Variants in SRL observed in about 807,000 individuals in gnomAD.
SRL encodes sarcalumenin.
A neutral mutation model predicts 39.5 loss-of-function variants in SRL; 23 were observed. The observed-to-expected ratio is 0.58, with a 90% CI of 0.42 to 0.82. SRL has a LOEUF of 0.82. Ranked by LOEUF, SRL falls within the 40% of genes least tolerant of loss-of-function variation. The probability of loss-of-function intolerance (pLI) is 0.00; values close to 1 mark genes in which losing one functional copy is unlikely to be tolerated. For missense variants in SRL, 592 were observed against 607.8 expected, an observed-to-expected ratio of 0.97 and a Z score of 0.27; for synonymous variants, 272 against 237.4, an observed-to-expected ratio of 1.15 and a Z score of -1.34.
intron 1 of SRL, among the ~76,000 whole-genome samples, chr16:4,235,939 A>G (rs1256690876): frequency 6.6e-6 from 1 of 151,840 alleles, no homozygotes; most frequent in Non-Finnish European, 1.5e-5. Flanking sequence ...ATGCAAAATT[A>G]GCCGGGCATA....
chr16:4,217,555 C>G (rs952213954), intron 1 of SRL, among the ~76,000 whole-genome samples: 8 of 152,162 alleles, frequency 5.3e-5, no homozygotes, highest in Admixed American at 2.0e-4. Flanking sequence ...CCCTCCCCTG[C>G]TGTCTTACCA....
intron 1 of SRL, among the ~76,000 whole-genome samples, chr16:4,217,673 A>T (rs1046227183): frequency 2.0e-4 from 30 of 152,212 alleles, no homozygotes; most frequent in Admixed American, 5.9e-4. Flanking sequence ...AGATAACAAT[A>T]CCTGCTTTGC....
At chr16:4,207,112 T>A (rs943182831) in intron 1 of SRL, 1 of 456,298 alleles carries the variant, frequency 2.2e-6, no homozygotes, top group Non-Finnish European at 4.4e-6. Flanking sequence ...TGGGGCTCCG[T>A]GGCCTCCTCG....
chr16:4,199,052 C>G (rs1300111790), intron 3 of SRL, among the ~76,000 whole-genome samples: 3 of 152,180 alleles, frequency 2.0e-5, no homozygotes, highest in Non-Finnish European at 2.9e-5. Context: ...GACTACAGCA[C>G]AGAGGGCCAG....
At chr16:4,205,077 C>A (rs184161006) in intron 1 of SRL, among the ~76,000 whole-genome samples, 9 of 152,184 alleles carry the variant, frequency 5.9e-5, no homozygotes, top group Non-Finnish European at 1.0e-4. Flanking sequence ...AATCCTAGCA[C>A]TTTAGGAGGT....
At chr16:4,216,269 T>A (rs1181949216) in intron 1 of SRL, among the ~76,000 whole-genome samples, 1 of 152,122 alleles carries the variant, frequency 6.6e-6, no homozygotes, top group Admixed American at 6.5e-5. Flanking sequence ...ATTTTATTTT[T>A]ATTTTATGTA....
chr16:4,196,008 T>TG (rs1354968193), intron 4 of SRL, among the ~76,000 whole-genome samples: 2 of 152,188 alleles, frequency 1.3e-5, no homozygotes, highest in Non-Finnish European at 1.5e-5. Flanking sequence ...TCACCCAGGC[T>TG]GGAAAGCAGT....
chr16:4,213,108 T>C (rs1403494797), intron 1 of SRL, among the ~76,000 whole-genome samples: 1 of 152,102 alleles, frequency 6.6e-6, no homozygotes, highest in Admixed American at 6.5e-5. Context: ...TTTGCCCCCA[T>C]GGAGTTCACA....
chr16:4,206,410 C>T (rs1157332144), intron 1 of SRL, among the ~76,000 whole-genome samples: 2 of 152,310 alleles, frequency 1.3e-5, no homozygotes, highest in Non-Finnish European at 2.9e-5. Context: ...CCCCGGGGCA[C>T]CAATCATTCC....
At chr16:4,216,241 A>C (rs1393766055) in intron 1 of SRL, among the ~76,000 whole-genome samples, 1 of 152,052 alleles carries the variant, frequency 6.6e-6, no homozygotes, top group Admixed American at 6.6e-5. Context: ...AGTATAAATG[A>C]CTATTCACTT....
intron 3 of SRL, among the ~76,000 whole-genome samples, chr16:4,199,095 C>T (rs1266456897): frequency 6.6e-6 from 1 of 152,186 alleles, no homozygotes; most frequent in Non-Finnish European, 1.5e-5. Context: ...GTTCTCCAGA[C>T]TCGTCTCCCT....
intron 1 of SRL, among the ~76,000 whole-genome samples, chr16:4,238,229 C>T (rs12595876): frequency 3.3e-5 from 5 of 152,132 alleles, no homozygotes; most frequent in Non-Finnish European, 7.4e-5. Flanking sequence ...TAAGCCCAGG[C>T]GCTCCATCCC....
At chr16:4,226,747 TG>T (rs2052593741) in intron 1 of SRL, among the ~76,000 whole-genome samples, 1 of 149,322 alleles carries the variant, frequency 6.7e-6, no homozygotes, top group Admixed American at 6.7e-5. Context: ...GATGGAAGGA[TG>T]GAAGAATGGG....
At chr16:4,212,905 G>A (rs2052411522) in intron 1 of SRL, among the ~76,000 whole-genome samples, 1 of 152,116 alleles carries the variant, frequency 6.6e-6, no homozygotes, top group African/African-American at 2.4e-5. Flanking sequence ...CAAATGCCCT[G>A]ATTTTGTTTC....
In SRL at chr16:4,192,920, C is replaced by T; in HGVS notation, c.655G>A (p.Asp219Asn). 1 of 1,613,896 alleles carries T rather than the reference C, an allele frequency of 6.2e-7. No homozygotes were observed. The highest frequency in any genetic ancestry group is 8.5e-7 in the Non-Finnish European group (1 of 1,179,940). Residue 219 changes from aspartate (D) to asparagine (N), a missense_variant, in exon 6 of 6, where the codon GAC becomes AAC. Coordinates refer to ENST00000399609, the MANE Select transcript of SRL (RefSeq NM_001098814.2). The surrounding 1 kb of genome is among the most constrained non-coding windows in gnomAD (Gnocchi z 4.0). ...DVCQWFIDRA[D>N]LIFVVFDPTK... ...GGGTCAAAGACGACAAAGATGAGGT[C>T]AGCTCTGTCGATGAACCACTGGCAC...
At chr16:4,201,150 G>C (rs2052224126) in intron 3 of SRL, among the ~76,000 whole-genome samples, 1 of 146,746 alleles carries the variant, frequency 6.8e-6, no homozygotes, top group Admixed American at 6.9e-5. Flanking sequence ...GTCTCACTCT[G>C]TCGCCCAGGC....
rs763711237 is a variant in SRL at position 4,192,221 on chromosome 16, G to A, written c.1354C>T (p.Pro452Ser). The A allele has an allele frequency of 7.5e-6, 12 of 1,607,188 alleles. No homozygotes were observed. The highest frequency in any genetic ancestry group is 9.3e-6 in the Non-Finnish European group (11 of 1,177,430). ...LLGSLGLGKN[P>S]GALNCDKTGC... ...GTTTTGTCACAGTTGAGAGCACCTG[G>A]ATTCTTCCCGAGCCCGAGGCTACCC... Residue 452 changes from proline (P) to serine (S), a missense_variant, in exon 6 of 6, where the codon CCA (proline) becomes TCA (serine). Coordinates refer to ENST00000399609, the MANE Select transcript of SRL (RefSeq NM_001098814.2). This position sits in a 1 kb window ranked among gnomAD's most constrained non-coding sequence, Gnocchi z 4.0.
chr16:4,207,397 C>T (rs1312648548), intron 1 of SRL: 3 of 456,658 alleles, frequency 6.6e-6, no homozygotes, highest in Non-Finnish European at 1.3e-5. Flanking sequence ...GCTTGTGTGT[C>T]AATATCTGGC....
chr16:4,212,633 GC>G (rs928410462), intron 1 of SRL, among the ~76,000 whole-genome samples: 1 of 152,164 alleles, frequency 6.6e-6, no homozygotes, highest in Non-Finnish European at 1.5e-5. Context: ...TGCCAGGGTG[GC>G]CCCCCCGACT....
Sources: gnomAD v4.1 joint callset for allele counts (sites outside exome capture counted in the v4.1 genomes callset) on GRCh38, gnomAD v4.1.1 for gene constraint, Gnocchi (gnomAD v3.1) non-coding constraint, MANE v1.5 for transcripts, NCBI Gene and HGNC (gene_info 2026-07-23, HGNC 2026-07-21) for gene names.